PPP1R13B: variants seen among roughly 807,000 people sequenced by gnomAD.
The protein encoded by PPP1R13B is protein phosphatase 1 regulatory subunit 13B, also known as apoptosis-stimulating of p53 protein 1.
In PPP1R13B, 44 loss-of-function variants were observed where a neutral mutation model predicts 119.8. The observed-to-expected ratio is 0.37, with a 90% CI of 0.29 to 0.47. The LOEUF (loss-of-function observed/expected upper bound fraction) is 0.47. Ranked by LOEUF, PPP1R13B falls within the 20% of genes least tolerant of loss-of-function variation. PPP1R13B has a pLI of 0.99. For missense variants in PPP1R13B, 1,227 were observed against 1,413.5 expected (o/e 0.87, Z 2.12); for synonymous variants, 542 against 561.5 (o/e 0.97, Z 0.49).
At chr14:103,813,540 C>G (rs1019514816) in intron 1 of PPP1R13B, among the ~76,000 whole-genome samples, 3 of 152,166 alleles carry the variant, frequency 2.0e-5, no homozygotes, top group Non-Finnish European at 4.4e-5. Flanking sequence ...TCTGGAATTT[C>G]CCCTGCTGGC....
intron 1 of PPP1R13B, among the ~76,000 whole-genome samples, chr14:103,819,316 G>C (rs963371658): frequency 6.6e-5 from 10 of 152,090 alleles, no homozygotes; most frequent in Admixed American, 2.0e-4. Context: ...GTTGAGAACA[G>C]ACTGAGGCGG....
chr14:103,792,144 AAATT>A (rs1259386780), intron 2 of PPP1R13B, among the ~76,000 whole-genome samples: 1 of 150,270 alleles, frequency 6.7e-6, no homozygotes, highest in Non-Finnish European at 1.5e-5. Context: ...TATTTAACAG[AAATT>A]TATTGTTTCC....
At chr14:103,764,866 C>A (rs538110347) in intron 4 of PPP1R13B, among the ~76,000 whole-genome samples, 5 of 152,294 alleles carry the variant, frequency 3.3e-5, no homozygotes, top group African/African-American at 1.2e-4. Context: ...GTCGCCCAGG[C>A]TGGACTGCAG....
At chr14:103,752,379 G>C (rs2084570218) in intron 7 of PPP1R13B, among the ~76,000 whole-genome samples, 1 of 152,134 alleles carries the variant, frequency 6.6e-6, no homozygotes, top group African/African-American at 2.4e-5. Flanking sequence ...GAGGTTGTGG[G>C]GTGATGGCTA....
intron 1 of PPP1R13B, among the ~76,000 whole-genome samples, chr14:103,822,433 C>G (rs2086432408): frequency 6.6e-6 from 1 of 152,160 alleles, no homozygotes; most frequent in South Asian, 2.1e-4. Flanking sequence ...CCACTGCACC[C>G]AGCCAAAACC....
intron 1 of PPP1R13B, among the ~76,000 whole-genome samples, chr14:103,800,491 A>G (rs2085871964): frequency 6.6e-6 from 1 of 151,948 alleles, no homozygotes; most frequent in South Asian, 2.1e-4. Context: ...TGTCTCTACT[A>G]AAAATACAAA....
At chr14:103,769,135 G>A (rs1418020525) in intron 4 of PPP1R13B, among the ~76,000 whole-genome samples, 1 of 152,138 alleles carries the variant, frequency 6.6e-6, no homozygotes, top group Non-Finnish European at 1.5e-5. Context: ...ACCCAGGCTG[G>A]AGTGCAGTGG....
chr14:103,814,143 G>T (rs568478148), intron 1 of PPP1R13B, among the ~76,000 whole-genome samples: 1 of 152,230 alleles, frequency 6.6e-6, no homozygotes, highest in Admixed American at 6.5e-5. Flanking sequence ...GAGGTCTGGA[G>T]TTCACGACCA....
intron 3 of PPP1R13B, 123 bp from the exon 4 acceptor site, chr14:103,778,944 A>C: frequency 1.3e-6 from 1 of 766,124 alleles, no homozygotes; most frequent in Non-Finnish European, 2.2e-6. Context: ...TGAGAAATTC[A>C]AGACTTTAGT....
chr14:103,767,303 A>C (rs1334355183), intron 4 of PPP1R13B, among the ~76,000 whole-genome samples: 1 of 152,144 alleles, frequency 6.6e-6, no homozygotes, highest in African/African-American at 2.4e-5. Flanking sequence ...AACAGAGCGA[A>C]ACCCTGTCTC....
chr14:103,847,230 G>A (rs1595858185), intron 1 of PPP1R13B, 69 bp downstream of exon 1: 2 of 1,094,028 alleles, frequency 1.8e-6, no homozygotes, highest in Non-Finnish European at 2.2e-6. Flanking sequence ...TGGGAGCCGC[G>A]GGAGGAAGGA....
intron 1 of PPP1R13B, among the ~76,000 whole-genome samples, chr14:103,831,606 C>T (rs112376838): frequency 0.092 from 13,830 of 150,662 alleles, 772 homozygotes; most frequent in African/African-American, 0.16. Context: ...CCACCATGCT[C>T]GGCCTCTTTT....
chr14:103,746,297 AC>A, intron 9 of PPP1R13B, 75 bp downstream of exon 9: 1 of 110,252 alleles, frequency 9.1e-6, no homozygotes, highest in Non-Finnish European at 2.1e-5. Context: ...AGCCTGCCCC[AC>A]CCCCCGCCCC....
chr14:103,848,598 C>T (rs2087130169), upstream of PPP1R13B: 2 of 697,508 alleles, frequency 2.9e-6, no homozygotes, highest in Non-Finnish European at 1.8e-6. Flanking sequence ...TGGCCCCAGA[C>T]ACAGAAGGCG....
chr14:103,746,651 C>T, intron 8 of PPP1R13B, 98 bp from the exon 9 acceptor site: 1 of 1,137,926 alleles, frequency 8.8e-7, no homozygotes, highest in Middle Eastern at 2.1e-4. Context: ...AAAGCACTCA[C>T]TCAGTGGTTG....
chr14:103,837,297 CA>C (rs2086800200), intron 1 of PPP1R13B, among the ~76,000 whole-genome samples: 1 of 152,204 alleles, frequency 6.6e-6, no homozygotes, highest in African/African-American at 2.4e-5. Context: ...TTTTATTTAA[CA>C]TATCTATTTT....
intron 1 of PPP1R13B, among the ~76,000 whole-genome samples, chr14:103,824,774 G>A (rs2086498293): frequency 1.3e-5 from 2 of 151,792 alleles, no homozygotes; most frequent in Non-Finnish European, 2.9e-5. Flanking sequence ...TAATAAAAGG[G>A]TAATAAATAT....
intron 4 of PPP1R13B, among the ~76,000 whole-genome samples, chr14:103,771,996 C>G (rs148163889): frequency 6.6e-6 from 1 of 152,172 alleles, no homozygotes; most frequent in Admixed American, 6.6e-5. Context: ...CTTTGCCCCC[C>G]ACTCCTGGTT....
intron 1 of PPP1R13B, among the ~76,000 whole-genome samples, chr14:103,820,064 TAC>T (rs918681010): frequency 6.6e-6 from 1 of 151,928 alleles, no homozygotes; most frequent in African/African-American, 2.4e-5. Flanking sequence ...TGCCAACGGG[TAC>T]AGAGAGCTTA....
Sources: gnomAD v4.1 joint callset for allele counts (sites outside exome capture counted in the v4.1 genomes callset) on GRCh38, gnomAD v4.1.1 for gene constraint, MANE v1.5 for transcripts, NCBI Gene and HGNC (gene_info 2026-07-23, HGNC 2026-07-21) for gene names.